Variants in PI4KA observed in about 807,000 individuals in gnomAD.
PI4KA encodes the protein PI4-kinase alpha.
A neutral mutation model predicts 271.4 loss-of-function variants in PI4KA; 122 were observed. That is an observed-to-expected ratio of 0.45 (90% confidence interval 0.39 to 0.52). The LOEUF (loss-of-function observed/expected upper bound fraction) is 0.52, where lower values mean the gene tolerates loss of function less well. PI4KA is among the 20% of genes least tolerant of loss of function. The pLI, the probability that PI4KA is intolerant of heterozygous loss-of-function variation, is 0.00. For missense variants in PI4KA, 1,969 were observed against 2,769.1 expected, an observed-to-expected ratio of 0.71 and a Z score of 6.48; for synonymous variants, 1,041 against 1,078.8, an observed-to-expected ratio of 0.96 and a Z score of 0.69.
At chr22:20,748,295 A>T (rs1048412222) in intron 28 of PI4KA, among the ~76,000 whole-genome samples, 8 of 152,244 alleles carry the variant, frequency 5.3e-5, no homozygotes, top group African/African-American at 7.2e-5. Flanking sequence ...ATCCTTGCTG[A>T]GCATCTGCTG....
chr22:20,779,623 C>G (rs754910028), intron 19 of PI4KA: 6 of 1,614,110 alleles, frequency 3.7e-6, no homozygotes, highest in East Asian at 2.2e-5. Flanking sequence ...GTTTCCCCGA[C>G]AGACTCTGAT....
At chr22:20,759,960 A>G (rs1931786247) in intron 23 of PI4KA, among the ~76,000 whole-genome samples, 1 of 152,130 alleles carries the variant, frequency 6.6e-6, no homozygotes, top group Non-Finnish European at 1.5e-5. Flanking sequence ...TCAGCTTCCC[A>G]AAGTGCTGGG....
intron 12 of PI4KA, 35 bp downstream of exon 12, chr22:20,804,265 G>T: frequency 7.2e-7 from 1 of 1,394,422 alleles, no homozygotes; most frequent in South Asian, 1.2e-5. Flanking sequence ...CCCTACAGGT[G>T]GGATCTGAGC....
chr22:20,713,228 T>G, intron 48 of PI4KA, 53 bp downstream of exon 48: 1 of 1,302,508 alleles, frequency 7.7e-7, no homozygotes, highest in Non-Finnish European at 1.1e-6. Flanking sequence ...CCTGGAGCCT[T>G]GGGGAGCAGC....
At chr22:20,768,254 T>C (rs1444092559) in intron 19 of PI4KA, among the ~76,000 whole-genome samples, 1 of 152,080 alleles carries the variant, frequency 6.6e-6, no homozygotes, top group Admixed American at 6.6e-5. Context: ...CATTTTTTTG[T>C]AGAGAAAGGC....
At chr22:20,825,799 G>A (rs572081142) in intron 3 of PI4KA, among the ~76,000 whole-genome samples, 11 of 152,186 alleles carry the variant, frequency 7.2e-5, no homozygotes, top group East Asian at 3.9e-4. Flanking sequence ...TGCATGTTAC[G>A]GGGGTTTGGT....
intron 19 of PI4KA, among the ~76,000 whole-genome samples, chr22:20,790,973 G>A (rs2147544124): frequency 6.6e-6 from 1 of 152,262 alleles, no homozygotes; most frequent in African/African-American, 2.4e-5. Context: ...AGCTATCACA[G>A]ATAACAGTTC....
chr22:20,716,498 T>C (rs1252253852), intron 45 of PI4KA, among the ~76,000 whole-genome samples: 2 of 152,196 alleles, frequency 1.3e-5, no homozygotes, highest in Non-Finnish European at 2.9e-5. Flanking sequence ...GGAGCCAAGC[T>C]TGGCCTTGCT....
chr22:20,786,391 CA>C (rs1490892617), intron 19 of PI4KA, among the ~76,000 whole-genome samples: 1 of 152,232 alleles, frequency 6.6e-6, no homozygotes, highest in Non-Finnish European at 1.5e-5. Context: ...GGGTGAGCCC[CA>C]CTCCCGCTGA....
At position 20,727,391 on chromosome 22, in the gene PI4KA, C is replaced by T; in HGVS notation, c.4780G>A (p.Val1594Ile). The change falls in exon 41 of 55, where the codon GTC (valine) becomes ATC (isoleucine). Residue 1594 changes from valine to isoleucine, a missense_variant. Val to Ile is a conservative substitution (Grantham distance 29). This residue lies in a region of PI4KA where 388 missense variants were observed against 521.5 expected (regional missense o/e 0.74). Coordinates refer to ENST00000255882, the MANE Select transcript of PI4KA (RefSeq NM_058004.4). ...SDVPEAIKFL[V>I]TWHTIDADAP... ...TCGGCGTCGATGGTGTGCCAGGTGA[C>T]CAGGAACTGCAGAGAAGGTGGGGAG... The T allele has an allele frequency of 3.1e-6, 5 of 1,602,234 alleles. No homozygotes were observed. The highest frequency in any genetic ancestry group is 4.3e-6 in the Non-Finnish European group (5 of 1,174,494).
In PI4KA at chr22:20,803,272, T is replaced by C. The variant is rs138393470; in HGVS notation, c.1510A>G (p.Thr504Ala). ...ERFPVVVHSV[T>A]PSLRDFLVIP... is the part of the protein sequence containing the mutation. ...ACCAGGAAGTCTCGCAAGGACGGTGTCACAGAGTGCACCACCACCGGGAAC... is the reference window on the plus strand; with the variant it reads ...ACCAGGAAGTCTCGCAAGGACGGTGCCACAGAGTGCACCACCACCGGGAAC... Residue 504 changes from threonine (T) to alanine (A), a missense_variant, in exon 13 of 55, where the codon ACA (threonine) becomes GCA (alanine). By Grantham distance (58) the Thr-to-Ala change is moderately conservative (BLOSUM62 0). Around this residue, in one of 13 missense-constraint regions of PI4KA, gnomAD observed 228 missense variants for 261.6 expected, o/e 0.87. Coordinates refer to ENST00000255882, the MANE Select transcript of PI4KA (RefSeq NM_058004.4). The C allele has an allele frequency of 3.1e-5, 50 of 1,613,988 alleles. 1 individual carries two copies. In the African/African-American group the frequency reaches 4.9e-4, roughly 16 times the overall value.
chr22:20,827,676 C>A (rs1412655417), intron 3 of PI4KA, among the ~76,000 whole-genome samples: 1 of 152,154 alleles, frequency 6.6e-6, no homozygotes, highest in Non-Finnish European at 1.5e-5. Context: ...TTCTTCCTAT[C>A]TATGAGCATG....
intron 32 of PI4KA, chr22:20,736,911 G>A (rs1928796682): frequency 6.5e-6 from 1 of 153,366 alleles, no homozygotes; most frequent in Non-Finnish European, 1.5e-5. Context: ...TAAAGGGAGG[G>A]GCCACACTGG....
chr22:20,825,557 T>C (rs1923295886), intron 3 of PI4KA, among the ~76,000 whole-genome samples: 1 of 152,176 alleles, frequency 6.6e-6, no homozygotes, highest in Non-Finnish European at 1.5e-5. Flanking sequence ...GTCAGGCCAC[T>C]GCACTACAGC....
chr22:20,742,589 C>T lies in PI4KA; in HGVS notation c.3613+19G>A. On this transcript the variant is annotated intron_variant, in intron 31 of 54. Coordinates refer to ENST00000255882, the MANE Select transcript of PI4KA (RefSeq NM_058004.4). ...ATTTAGAAACGAGCCCAGAATTCCA[C>T]AGTGCTTCAGTGAGTTACCTTTACT... The T allele has an allele frequency of 6.2e-7, 1 of 1,613,510 alleles. No homozygotes were observed. The highest frequency in any genetic ancestry group is 1.3e-5 in the African/African-American group (1 of 75,032).
intron 19 of PI4KA, among the ~76,000 whole-genome samples, chr22:20,789,526 C>T (rs1934496608): frequency 6.6e-6 from 1 of 152,180 alleles, no homozygotes; most frequent in Non-Finnish European, 1.5e-5. Context: ...GATGAGGTTT[C>T]ACCATGTTGG....
rs1463414334 is a variant in PI4KA at position 20,779,858 on chromosome 22, T to C, written c.2328+13335A>G. ...ATGAACAAGTGCACTCGATTTTGCA[T>C]TTTAAAGACTTTGTTAATGCCAGCA... On this transcript the variant is annotated intron_variant, in intron 19 of 54. Coordinates refer to ENST00000255882, the MANE Select transcript of PI4KA (RefSeq NM_058004.4). 3 of 1,614,220 alleles carry C rather than the reference T, an allele frequency of 1.9e-6. No homozygotes were observed. In the East Asian group the frequency reaches 6.7e-5, roughly 36 times the overall value.
intron 47 of PI4KA, among the ~76,000 whole-genome samples, chr22:20,714,155 T>C (rs1330656256): frequency 2.0e-5 from 3 of 151,886 alleles, no homozygotes; most frequent in African/African-American, 4.8e-5. Context: ...ACTGAGATCG[T>C]CCGTACGGTA....
At chr22:20,834,510 C>G (rs979754712) in intron 3 of PI4KA, 52 bp downstream of exon 3, 42 of 1,074,024 alleles carry the variant, frequency 3.9e-5, no homozygotes, top group Non-Finnish European at 5.8e-5. Context: ...CCTACAGACA[C>G]TGAACATGTG....
Sources: allele counts gnomAD v4.1 joint callset (sites outside exome capture counted in the v4.1 genomes callset), GRCh38; gene constraint gnomAD v4.1.1; regional missense constraint gnomAD v4.1.1; transcripts MANE v1.5; gene names NCBI Gene and HGNC (gene_info 2026-07-23, HGNC 2026-07-21).